The following LIMCH1 variants were observed in gnomAD, a reference collection of about 807,000 sequenced individuals.
The protein encoded by LIMCH1 is LIM and calponin homology domains 1.
A neutral mutation model predicts 176.5 loss-of-function variants in LIMCH1; 113 were observed. That is an observed-to-expected ratio of 0.64 (90% CI 0.55 to 0.75). The LOEUF (loss-of-function observed/expected upper bound fraction) is 0.75. LIMCH1 is among the 30% of genes least tolerant of loss of function. The pLI, the probability that LIMCH1 is intolerant of heterozygous loss-of-function variation, is 0.00. For synonymous variants in LIMCH1, 619 were observed against 645.9 expected (o/e 0.96, Z 0.63); for missense variants, 1,674 against 1,814.9 (o/e 0.92, Z 1.41).
chr4:41,465,271 G>T (rs886362081), intron 1 of LIMCH1, among the ~76,000 whole-genome samples: 6 of 152,088 alleles, frequency 3.9e-5, no homozygotes, highest in Non-Finnish European at 7.4e-5. Flanking sequence ...TCTTGTGGGG[G>T]CTGGTTCCCA....
chr4:41,666,936 T>C (rs2094848050), intron 21 of LIMCH1, among the ~76,000 whole-genome samples: 1 of 152,138 alleles, frequency 6.6e-6, no homozygotes, highest in Admixed American at 6.5e-5. Flanking sequence ...TGTTAGAGCT[T>C]TAAAATTTTG....
chr4:41,480,086 A>G (rs980386653), intron 1 of LIMCH1, among the ~76,000 whole-genome samples: 1 of 152,152 alleles, frequency 6.6e-6, no homozygotes, highest in African/African-American at 2.4e-5. Flanking sequence ...AGTAAGTACT[A>G]AGTGTCCTAT....
intron 1 of LIMCH1, among the ~76,000 whole-genome samples, chr4:41,384,251 C>G (rs1426953313): frequency 2.6e-5 from 4 of 151,764 alleles, no homozygotes; most frequent in Admixed American, 6.6e-5. Flanking sequence ...GTCACCCAGG[C>G]TGGAGTGCAG....
intron 5 of LIMCH1, 102 bp downstream of exon 5, chr4:41,613,763 A>G: frequency 1.0e-6 from 1 of 960,870 alleles, no homozygotes; most frequent in South Asian, 1.6e-5. Flanking sequence ...CAGGCTCCAT[A>G]TCCACCTTGC....
At chr4:41,598,895 CTT>C (rs756448337) in intron 1 of LIMCH1, 23 bp from the exon 2 acceptor site, 1 of 1,423,390 alleles carries the variant, frequency 7.0e-7, no homozygotes, top group South Asian at 1.2e-5. Flanking sequence ...ATAATATAGA[CTT>C]ATATTTCTTT....
At chr4:41,480,758 TC>T (rs1351297304) in intron 1 of LIMCH1, among the ~76,000 whole-genome samples, 22 of 152,324 alleles carry the variant, frequency 1.4e-4, no homozygotes, top group African/African-American at 4.8e-4. Flanking sequence ...TCTAGACTCT[TC>T]CTTCTCTCTG....
At chr4:41,696,376 T>C (rs1047525362) in intron 31 of LIMCH1, among the ~76,000 whole-genome samples, 3 of 152,170 alleles carry the variant, frequency 2.0e-5, no homozygotes, top group African/African-American at 7.2e-5. Context: ...TCTTTTCAAA[T>C]GTTGCAATTG....
intron 3 of LIMCH1, among the ~76,000 whole-genome samples, chr4:41,530,982 GT>G (rs1482461323): frequency 6.6e-6 from 1 of 151,688 alleles, no homozygotes; most frequent in African/African-American, 2.4e-5. Flanking sequence ...CACCTGTGAT[GT>G]TGTTATTGCT....
At chr4:41,499,910 A>G (rs550074361) in intron 2 of LIMCH1, among the ~76,000 whole-genome samples, 22 of 152,338 alleles carry the variant, frequency 1.4e-4, no homozygotes, top group Admixed American at 1.3e-3. Flanking sequence ...AGAACAATCC[A>G]TCTAGTCTTT....
At chr4:41,510,360 G>T (rs928069987) in intron 2 of LIMCH1, among the ~76,000 whole-genome samples, 5 of 152,184 alleles carry the variant, frequency 3.3e-5, no homozygotes, top group South Asian at 2.1e-4. Flanking sequence ...TGCCTGTGGG[G>T]TTACATGCTG....
chr4:41,524,116 A>G (rs868498103), intron 2 of LIMCH1, among the ~76,000 whole-genome samples: 2 of 152,028 alleles, frequency 1.3e-5, no homozygotes, highest in African/African-American at 2.4e-5. Flanking sequence ...TTCCCTCACA[A>G]CCTCAATCCA....
chr4:41,512,102 GAC>G (rs2074999788), intron 2 of LIMCH1, among the ~76,000 whole-genome samples: 1 of 152,082 alleles, frequency 6.6e-6, no homozygotes, highest in South Asian at 2.1e-4. Context: ...TATCGGAATA[GAC>G]ACTTCTCCAA....
rs2093398696 is a variant in LIMCH1 at position 41,632,864 on chromosome 4, G to A, written c.1717G>A (p.Glu573Lys). 2.0e-6 allele frequency: 3 copies of A among 1,535,902 alleles called. No individual in the cohort carries two copies. Among genetic ancestry groups the A allele is most frequent in the Non-Finnish European group, 2.6e-6 (3 of 1,146,716 alleles). The part of the protein sequence containing the change: ...SLGECPRGTE[E>K]VTSKQLPQDG... Reference sequence around the variant, plus strand: ...GGGCGAGTGCCCGAGGGGGACAGAGGAAGGTGAGGAGCAGTGTTTCCTGCC... The same window carrying A: ...GGGCGAGTGCCCGAGGGGGACAGAGAAAGGTGAGGAGCAGTGTTTCCTGCC... The change falls in exon 11 of 32, where the codon GAA (glutamate) becomes AAA (lysine). Residue 573 changes from glutamate (E) to lysine (K), a missense_variant. Transcript: ENST00000503057.
rs761501125 is a variant in LIMCH1 at position 41,454,940 on chromosome 4, ATGTGTGTGTGTG to A, written c.97-39568_97-39557del. Among the ~76,000 whole-genome samples, 341 of 131,350 alleles carry A rather than the reference ATGTGTGTGTGTG, an allele frequency of 2.6e-3. 1 individual carries two copies. Among genetic ancestry groups the A allele is most frequent in the Non-Finnish European group, 4.2e-3 (249 of 59,124 alleles). 86.2% of individuals were successfully genotyped at this position (131,350 alleles called of 152,430 possible). ...TTTATAGCTGTGCTTGTATGCGTAC[ATGTGTGTGTGTG>A]TGTGTGTGTGTGTGTGTGTGTGTGT... On this transcript the variant is annotated intron_variant, in intron 1 of 26. Transcript: ENST00000313860.
chr4:41,444,861 C>T (rs2063112714), intron 1 of LIMCH1, among the ~76,000 whole-genome samples: 1 of 152,148 alleles, frequency 6.6e-6, no homozygotes, highest in Non-Finnish European at 1.5e-5. Context: ...ATCTGACCAT[C>T]CACTGTCTGA....
At position 41,676,421 on chromosome 4, in the gene LIMCH1, C is replaced by T; in HGVS notation, c.3478C>T (p.Arg1160Ter). 4 of 1,613,914 alleles carry T rather than the reference C, an allele frequency of 2.5e-6. No homozygotes were observed. Among genetic ancestry groups the T allele is most frequent in the Non-Finnish European group, 3.4e-6 (4 of 1,179,876 alleles). Residue 1160 changes from arginine (R) to a stop codon, truncating the protein, a stop_gained, in exon 23 of 32, where the codon CGA becomes TGA. Coordinates refer to ENST00000503057, the MANE Select transcript of LIMCH1 (RefSeq NM_001330672.2). LOFTEE classifies it high-confidence loss of function. The stretch of plus-strand genomic sequence containing the variant: ...ATGGGACCCAGAAGAGGAGCGCAGG[C>T]GACAGGAAAAATGGCAACAGGAACA... ...WAWDPEEERRRQEKWQQEQER... is the reference protein window; with the variant it reads ...WAWDPEEERR
Position 41,571,565 on chromosome 4 carries a change from G to A in LIMCH1, c.-240-27355G>A, listed in dbSNP as rs2083563548. ...GGGATAAAATTATGGCCTCAGTGAGGACTCAGCTGAATTTGGAAACAATGA... is the reference window on the plus strand; with the variant it reads ...GGGATAAAATTATGGCCTCAGTGAGAACTCAGCTGAATTTGGAAACAATGA... On this transcript the variant is annotated intron_variant, in intron 1 of 31. Coordinates refer to ENST00000503057, the MANE Select transcript of LIMCH1 (RefSeq NM_001330672.2). 7.9e-5 allele frequency among the ~76,000 whole-genome samples: 12 copies of A among 152,212 alleles called. No individual in the cohort carries two copies. In the South Asian group the frequency reaches 2.5e-3, roughly 32 times the overall value.
chr4:41,490,767 C>A (rs549127741), intron 1 of LIMCH1, among the ~76,000 whole-genome samples: 8 of 152,248 alleles, frequency 5.3e-5, no homozygotes, highest in Non-Finnish European at 7.3e-5. Context: ...ATCGTTATCA[C>A]GGCCCGTTCT....
rs76628660 is a variant in LIMCH1, at chr4:41,592,999, T to C, written c.-240-5921T>C. 3.5e-3 allele frequency among the ~76,000 whole-genome samples: 534 copies of C among 152,364 alleles called. 2 individuals carry two copies. Among genetic ancestry groups the C allele is most frequent in the Non-Finnish European group, 5.8e-3 (393 of 68,042 alleles). Reference sequence around the variant, plus strand: ...TACGTAGCACATTGAATTGAGTTTATTTAAATATTTAGTGAGCACTTGTAC... The same window carrying C: ...TACGTAGCACATTGAATTGAGTTTACTTAAATATTTAGTGAGCACTTGTAC... On this transcript the variant is annotated intron_variant, in intron 1 of 31. Transcript: ENST00000503057.
Sources: gnomAD v4.1 joint callset for allele counts (sites outside exome capture counted in the v4.1 genomes callset) on GRCh38, gnomAD v4.1.1 for gene constraint, MANE v1.5 for transcripts, NCBI Gene and HGNC (gene_info 2026-07-23, HGNC 2026-07-21) for gene names.